MGAT4C: variants seen among roughly 807,000 people sequenced by gnomAD.
MGAT4C encodes the protein MGAT4 family member C.
MGAT4C carries 19 observed loss-of-function variants against 40.1 expected under a neutral mutation model. The ratio of observed to expected loss-of-function variants is 0.47; its 90% CI spans 0.33 to 0.70. The LOEUF is 0.70. Among genes scored for constraint, MGAT4C ranks in the 30% least tolerant of loss-of-function variants. The probability of loss-of-function intolerance (pLI) is 0.02; values close to 1 mark genes in which losing one functional copy is unlikely to be tolerated. For missense variants in MGAT4C, 491 were observed against 563.2 expected (o/e 0.87, Z 1.30); for synonymous variants, 181 against 187.1 (o/e 0.97, Z 0.27).
chr12:86,518,938 A>G (rs1174746038), intron 2 of MGAT4C, among the ~76,000 whole-genome samples: 1 of 152,202 alleles, frequency 6.6e-6, no homozygotes, highest in Non-Finnish European at 1.5e-5. Flanking sequence ...GAAACCAAAC[A>G]TAAAGGAATA....
At chr12:86,101,247 G>A (rs1354425106) in intron 1 of MGAT4C, among the ~76,000 whole-genome samples, 3 of 151,750 alleles carry the variant, frequency 2.0e-5, no homozygotes, top group Non-Finnish European at 3.0e-5. Flanking sequence ...CAATGAACAA[G>A]GGCTTAAGTA....
chr12:86,289,610 A>G (rs1953451320), intron 4 of MGAT4C, among the ~76,000 whole-genome samples: 1 of 152,090 alleles, frequency 6.6e-6, no homozygotes, highest in Non-Finnish European at 1.5e-5. Flanking sequence ...CTCCTTGTAG[A>G]GATCATTCAC....
intron 2 of MGAT4C, among the ~76,000 whole-genome samples, chr12:86,012,778 A>AACCACC (rs1183997849): frequency 1.5e-3 from 207 of 136,440 alleles, no homozygotes; most frequent in Middle Eastern, 0.011. Flanking sequence ...CAACAACAAC[A>AACCACC]ACCACCACCA....
At chr12:86,095,741 C>T (rs573959903) in intron 1 of MGAT4C, among the ~76,000 whole-genome samples, 27 of 151,512 alleles carry the variant, frequency 1.8e-4, no homozygotes, top group African/African-American at 6.3e-4. Context: ...ATGTCCTACT[C>T]CTATTCAATT....
intron 2 of MGAT4C, among the ~76,000 whole-genome samples, chr12:86,496,169 G>A (rs1425078163): frequency 6.6e-6 from 1 of 151,982 alleles, no homozygotes; most frequent in East Asian, 1.9e-4. Context: ...TGCATTTGAT[G>A]ATGGGACCTA....
At chr12:86,477,532 G>A (rs567064746) in intron 2 of MGAT4C, among the ~76,000 whole-genome samples, 7 of 151,914 alleles carry the variant, frequency 4.6e-5, no homozygotes, top group Admixed American at 1.3e-4. Flanking sequence ...ACATGTACCC[G>A]CTGAAGCTGA....
At chr12:86,795,364 A>G (rs889811082) in intron 1 of MGAT4C, among the ~76,000 whole-genome samples, 6 of 151,966 alleles carry the variant, frequency 3.9e-5, no homozygotes, top group Non-Finnish European at 2.9e-5. Context: ...AGTAGCTCTC[A>G]ATGACTTTCC....
chr12:86,169,818 C>T (rs368284369), intron 1 of MGAT4C, among the ~76,000 whole-genome samples: 3 of 152,030 alleles, frequency 2.0e-5, no homozygotes, highest in Non-Finnish European at 2.9e-5. Context: ...TACCAAAGCC[C>T]AGAAAGAGAA....
chr12:86,792,336 T>C (rs1175807650), intron 1 of MGAT4C, among the ~76,000 whole-genome samples: 1 of 152,138 alleles, frequency 6.6e-6, no homozygotes, highest in Non-Finnish European at 1.5e-5. Context: ...AATGTATCCT[T>C]GAGCCAAAAT....
chr12:86,628,549 C>A (rs776724051), intron 2 of MGAT4C, among the ~76,000 whole-genome samples: 1 of 152,080 alleles, frequency 6.6e-6, no homozygotes, highest in Non-Finnish European at 1.5e-5. Context: ...GCAGATCTGT[C>A]GGCAGAAACT....
intron 3 of MGAT4C, among the ~76,000 whole-genome samples, chr12:86,341,092 C>T (rs2136183414): frequency 6.6e-6 from 1 of 152,266 alleles, no homozygotes; most frequent in East Asian, 1.9e-4. Flanking sequence ...AATTGAAACA[C>T]CCATGTACTC....
intron 1 of MGAT4C, among the ~76,000 whole-genome samples, chr12:86,798,988 A>G (rs1361267814): frequency 6.6e-6 from 1 of 151,918 alleles, no homozygotes; most frequent in Non-Finnish European, 1.5e-5. Context: ...CTTTGCTTAA[A>G]TAATTTAATT....
intron 2 of MGAT4C, among the ~76,000 whole-genome samples, chr12:86,039,025 A>C (rs529324177): frequency 6.7e-6 from 1 of 149,884 alleles, no homozygotes; most frequent in South Asian, 2.1e-4. Context: ...TTCTGTGTTG[A>C]ACATTCTTTT....
At chr12:86,135,136 G>A in intron 1 of MGAT4C, among the ~76,000 whole-genome samples, 1 of 152,050 alleles carries the variant, frequency 6.6e-6, no homozygotes, top group East Asian at 1.9e-4. Flanking sequence ...GTAGTTAAAA[G>A]AATCATAAAT....
At chr12:86,549,202 A>G (rs922800172) in intron 2 of MGAT4C, among the ~76,000 whole-genome samples, 2 of 152,194 alleles carry the variant, frequency 1.3e-5, no homozygotes, top group Admixed American at 1.3e-4. Flanking sequence ...TAAGAGTACT[A>G]TCATAAGATT....
intron 1 of MGAT4C, among the ~76,000 whole-genome samples, chr12:86,216,429 T>C (rs1950674226): frequency 6.6e-6 from 1 of 152,222 alleles, no homozygotes; most frequent in Non-Finnish European, 1.5e-5. Flanking sequence ...TGTAGCCATC[T>C]GGGCAGAAAC....
chr12:86,817,466 G>A (rs1294803114), intron 1 of MGAT4C, among the ~76,000 whole-genome samples: 1 of 151,084 alleles, frequency 6.6e-6, no homozygotes, highest in African/African-American at 2.4e-5. Flanking sequence ...ACATCTGTTG[G>A]GTACAGACAA....
intron 2 of MGAT4C, among the ~76,000 whole-genome samples, chr12:86,446,691 A>G: frequency 7.7e-6 from 1 of 130,534 alleles, no homozygotes; most frequent in East Asian, 2.2e-4. Flanking sequence ...ATATATATAT[A>G]TATATATATA....
chr12:86,511,503 G>A (rs1217341803), intron 2 of MGAT4C, among the ~76,000 whole-genome samples: 1 of 152,052 alleles, frequency 6.6e-6, no homozygotes, highest in African/African-American at 2.4e-5. Context: ...TAACTGACAT[G>A]TTTTAAATCT....
Sources: gnomAD v4.1 joint callset for allele counts (sites outside exome capture counted in the v4.1 genomes callset) on GRCh38, gnomAD v4.1.1 for gene constraint, MANE v1.5 for transcripts, NCBI Gene and HGNC (gene_info 2026-07-23, HGNC 2026-07-21) for gene names.